The following FH variants were observed in gnomAD, a reference collection of about 807,000 sequenced individuals.
FH encodes fumarate hydratase.
Under a neutral mutation model 49.4 loss-of-function variants are expected in FH, and 22 were observed. The observed-to-expected ratio is 0.45, with a 90% confidence interval of 0.32 to 0.64. The LOEUF (loss-of-function observed/expected upper bound fraction) is 0.64. FH is among the 30% of genes least tolerant of loss of function. The probability of loss-of-function intolerance (pLI) is 0.05; values close to 1 mark genes in which losing one functional copy is unlikely to be tolerated. For missense variants in FH, 526 were observed against 641.5 expected (o/e 0.82, Z 1.95); for synonymous variants, 208 against 223.0 (o/e 0.93, Z 0.60).
At chr1:241,516,339 G>A (rs1194158961) in intron 2 of FH, among the ~76,000 whole-genome samples, 1 of 152,228 alleles carries the variant, frequency 6.6e-6, no homozygotes, top group African/African-American at 2.4e-5. Flanking sequence ...AAAAAAGAAT[G>A]AGATCATGTC....
In FH at chr1:241,497,758, G is replaced by A. The variant is rs200197729; in HGVS notation, c.*70C>T. ...TAGCAGTTTCCTTTCAAACTTATCCGTTTTTAAGAAATGGGAGTCTGTTTT... is the reference window on the plus strand; with the variant it reads ...TAGCAGTTTCCTTTCAAACTTATCCATTTTTAAGAAATGGGAGTCTGTTTT... On this transcript the variant is annotated 3_prime_UTR_variant, in exon 10 of 10. Transcript: ENST00000366560. The A allele has an allele frequency of 1.2e-4, 174 of 1,412,094 alleles. 1 individual carries two copies. The highest frequency in any genetic ancestry group is 7.6e-4 in the African/African-American group (53 of 69,934). 87.5% of individuals were successfully genotyped at this position (1,412,094 alleles called of 1,614,324 possible). A position where few individuals can be genotyped will look rare whatever the true frequency, so the allele number is the denominator to read the frequency against.
intron 5 of FH, 26 bp from the exon 6 acceptor site, chr1:241,506,194 A>G: frequency 6.4e-7 from 1 of 1,556,046 alleles, no homozygotes; most frequent in Non-Finnish European, 8.8e-7. Flanking sequence ...AATTAAGGTA[A>G]GAATAAGTAA....
intron 8 of FH, among the ~76,000 whole-genome samples, chr1:241,501,521 A>G (rs769683497): frequency 2.0e-5 from 3 of 152,212 alleles, no homozygotes; most frequent in Non-Finnish European, 4.4e-5. Flanking sequence ...TAGGATATAC[A>G]TTCCATGAGA....
In FH at chr1:241,498,727, A is replaced by G. The variant is rs1265273261; in HGVS notation, c.1391-757T>C. Among the ~76,000 whole-genome samples, 326 of 107,766 alleles carry G rather than the reference A, an allele frequency of 3.0e-3. 19 individuals are homozygous for G. Among genetic ancestry groups the G allele is most frequent in the African/African-American group, 0.013 (313 of 24,390 alleles). 70.7% of individuals were successfully genotyped at this position (107,766 alleles called of 152,430 possible). On this transcript the variant is annotated intron_variant, in intron 9 of 9. Coordinates refer to ENST00000366560, the MANE Select transcript of FH (RefSeq NM_000143.4). ...TATATATATATATATATATATATAT[A>G]TATATATATATATATGTCAAGAAGA...
chr1:241,519,474 C>A, intron 1 of FH, 117 bp downstream of exon 1: 1 of 1,305,844 alleles, frequency 7.7e-7, no homozygotes, highest in Admixed American at 2.5e-5. Context: ...AGCCCAGAGT[C>A]TGGCGCGGCC....
At chr1:241,503,777 AC>A (rs1659840633) in intron 7 of FH, among the ~76,000 whole-genome samples, 1 of 152,224 alleles carries the variant, frequency 6.6e-6, no homozygotes, top group African/African-American at 2.4e-5. Context: ...TTTTTATTCA[AC>A]CCGCGCTGAT....
intron 7 of FH, among the ~76,000 whole-genome samples, chr1:241,502,981 G>T (rs368369658): frequency 6.6e-6 from 1 of 152,118 alleles, no homozygotes. Context: ...TTATAAAAGC[G>T]ACCCTTCACT....
Position 241,512,199 on chromosome 1 carries a change from T to C in FH, c.379-56A>G. 1.1e-5 allele frequency: 17 copies of C among 1,502,266 alleles called. No homozygotes were observed. The South Asian group carries it at 1.9e-4, about 17-fold the overall frequency. The allele number at this position is 1,502,266 out of a possible 1,614,324, so 93.1% of individuals were successfully genotyped here. Reference sequence around the variant, plus strand: ...AAAAAGGAAATAATAATGCTGATTATGCCACAGAGTTTGAATACAGTTGAC... The same window carrying C: ...AAAAAGGAAATAATAATGCTGATTACGCCACAGAGTTTGAATACAGTTGAC... On this transcript the variant is annotated intron_variant, in intron 3 of 9. Coordinates refer to ENST00000366560, the MANE Select transcript of FH (RefSeq NM_000143.4).
At chr1:241,502,765 G>A (rs912991606) in intron 7 of FH, among the ~76,000 whole-genome samples, 195 bp from the exon 8 acceptor site, 6 of 152,186 alleles carry the variant, frequency 3.9e-5, no homozygotes, top group African/African-American at 1.2e-4. Flanking sequence ...AAAGGCTAAC[G>A]AGTAGCCACA....
chr1:241,505,957 G>A (rs761190882), intron 6 of FH, 46 bp downstream of exon 6: 25 of 1,565,074 alleles, frequency 1.6e-5, no homozygotes, highest in African/African-American at 8.1e-5. Context: ...TACAGACCAC[G>A]TATAATGAGA....
At chr1:241,510,245 A>T (rs377357147) in intron 4 of FH, among the ~76,000 whole-genome samples, 1 of 152,192 alleles carries the variant, frequency 6.6e-6, no homozygotes, top group East Asian at 1.9e-4. Context: ...TCCTTGAAAA[A>T]TGGCTGTTTC....
chr1:241,506,116 G>C lies in FH; in HGVS notation c.791C>G (p.Ala264Gly). ...GAGCTCATAGATTCTTGGCATGGCA[G>C]CTTTTATTCTTGTCATTGCATATTT... ...QVKYAMTRIK[A>G]AMPRIYELAA... The change falls in exon 6 of 10, where the codon GCT (alanine) becomes GGT (glycine). Residue 264 changes from alanine to glycine, a missense_variant. Around this residue, in one of 2 missense-constraint regions of FH, gnomAD observed 383 missense variants for 514.0 expected, o/e 0.75. Transcript: ENST00000366560. 6.2e-7 allele frequency: 1 copy of C among 1,613,890 alleles called. No homozygotes were observed. The highest frequency in any genetic ancestry group is 8.5e-7 in the Non-Finnish European group (1 of 1,179,834).
In FH at chr1:241,507,748, T is replaced by C. The variant is rs144634860; in HGVS notation, c.738+855A>G. Among the ~76,000 whole-genome samples the C allele has an allele frequency of 6.2e-3, 949 of 152,322 alleles. 3 individuals carry two copies. The highest frequency in any genetic ancestry group is 0.014 in the African/African-American group (583 of 41,572). On this transcript the variant is annotated intron_variant, in intron 5 of 9. Transcript: ENST00000366560. ...AATTATGCATGGTCCTAAGTACTAA[T>C]GATGCAAAGAGAAATGAGACACAGC...
intron 4 of FH, among the ~76,000 whole-genome samples, chr1:241,510,379 T>C (rs531488310): frequency 1.3e-5 from 2 of 152,218 alleles, no homozygotes; most frequent in East Asian, 1.9e-4. Flanking sequence ...AAGAGCCAAA[T>C]GAATTGGGTT....
rs1659803991 is a variant in FH, at chr1:241,502,440, TAC to T, written c.1236+1_1236+2del. The stretch of plus-strand genomic sequence containing the variant: ...AACATTAAAAATCAGATTTAAAGCT[TAC>T]CATCATTGGCTTGAAAACATTCAAC... On this transcript the variant is annotated splice_donor_variant, in intron 8 of 9. Transcript: ENST00000366560. LOFTEE classifies it high-confidence loss of function. The T allele has an allele frequency of 6.2e-7, 1 of 1,613,870 alleles. No homozygotes were observed. The highest frequency in any genetic ancestry group is 1.1e-5 in the South Asian group (1 of 91,086).
Position 241,504,236 on chromosome 1 carries a change from A to G in FH, c.914T>C (p.Phe305Ser), listed in dbSNP as rs1439046582. 1 of 1,614,034 alleles carries G rather than the reference A, an allele frequency of 6.2e-7. No individual in the cohort carries two copies. The highest frequency in any genetic ancestry group is 1.3e-5 in the African/African-American group (1 of 74,944). Reference protein sequence around the residue: ...AKVAALTGLPFVTAPNKFEAL... With the variant: ...AKVAALTGLPSVTAPNKFEAL... ...TTCAAATTTATTCGGAGCAGTGACA[A>G]AAGGCAAGCCTAAAGAAAAGAAAAA... is the stretch of plus-strand genomic sequence containing the variant. Residue 305 changes from phenylalanine to serine, a missense_variant, in exon 7 of 10, where the codon TTT becomes TCT. Around this residue, in one of 2 missense-constraint regions of FH, gnomAD observed 383 missense variants for 514.0 expected, o/e 0.75. Coordinates refer to ENST00000366560, the MANE Select transcript of FH (RefSeq NM_000143.4).
In FH at chr1:241,500,602, T is replaced by TGAGTGA. The variant is rs1553340724; in HGVS notation, c.1237-13_1237-12insTCACTC. The TGAGTGA allele has an allele frequency of 1.1e-5, 16 of 1,490,612 alleles. No individual in the cohort carries two copies. The highest frequency in any genetic ancestry group is 4.5e-5 in the African/African-American group (3 of 66,156). The allele number at this position is 1,490,612 out of a possible 1,614,324, so 92.3% of individuals were successfully genotyped here. ...AACACATTTTTAATCTTTGAGTGAG[T>TGAGTGA]GAGAGAGAGAGAGAGAGAGAGAGAG... On this transcript the variant is annotated splice_polypyrimidine_tract_variant and intron_variant, in intron 8 of 9. Transcript: ENST00000366560.
At chr1:241,518,134 G>C (rs1660268672) in intron 1 of FH, among the ~76,000 whole-genome samples, 1 of 152,070 alleles carries the variant, frequency 6.6e-6, no homozygotes, top group African/African-American at 2.4e-5. Context: ...GGGCATCAAG[G>C]GTTATGTGAA....
chr1:241,505,462 C>A (rs1264154579), intron 6 of FH, among the ~76,000 whole-genome samples: 2 of 152,098 alleles, frequency 1.3e-5, no homozygotes, highest in Admixed American at 6.6e-5. Context: ...ATTATCTCTA[C>A]CCTAACCGTC....
Sources: gnomAD v4.1 joint callset for allele counts (sites outside exome capture counted in the v4.1 genomes callset) on GRCh38, gnomAD v4.1.1 for gene constraint, gnomAD v4.1.1 regional missense constraint, MANE v1.5 for transcripts, NCBI Gene and HGNC (gene_info 2026-07-23, HGNC 2026-07-21) for gene names.